Variants in ARHGEF11 observed in about 807,000 individuals in gnomAD.
The protein encoded by ARHGEF11 is Rho guanine nucleotide exchange factor 11.
Under a neutral mutation model 193.7 loss-of-function variants are expected in ARHGEF11, and 55 were observed. The observed-to-expected ratio is 0.28, with a 90% CI of 0.23 to 0.36. ARHGEF11 has a LOEUF of 0.36. ARHGEF11 is among the 10% of genes least tolerant of loss of function. The pLI is 1.00. For missense variants in ARHGEF11, 1,723 were observed against 2,005.6 expected, an observed-to-expected ratio of 0.86 and a Z score of 2.69; for synonymous variants, 693 against 768.0, an observed-to-expected ratio of 0.90 and a Z score of 1.62.
At chr1:157,037,174 T>C (rs941169167) in intron 1 of ARHGEF11, among the ~76,000 whole-genome samples, 1 of 152,120 alleles carries the variant, frequency 6.6e-6, no homozygotes, top group Non-Finnish European at 1.5e-5. Flanking sequence ...CTTAAAATAC[T>C]GGTTAATTCT....
rs7522900 is a variant in ARHGEF11, at chr1:157,003,068, T to G, written c.33-16895A>C. ...CAGTAAGAATTCCTTATTGATTGAT[T>G]GTTGATTATTCATATTAGCCATTCT... On this transcript the variant is annotated intron_variant, in intron 1 of 40. Coordinates refer to ENST00000368194, the MANE Select transcript of ARHGEF11 (RefSeq NM_198236.3). Among the ~76,000 whole-genome samples, 774 of 152,372 alleles carry G rather than the reference T, an allele frequency of 5.1e-3. 6 individuals carry two copies. Among genetic ancestry groups the G allele is most frequent in the Admixed American group, 0.021 (323 of 15,310 alleles).
At chr1:156,995,771 T>G (rs1198542499) in intron 1 of ARHGEF11, among the ~76,000 whole-genome samples, 2 of 151,176 alleles carry the variant, frequency 1.3e-5, no homozygotes, top group Non-Finnish European at 2.9e-5. Flanking sequence ...CTCAAACTCC[T>G]GGGCACAAGG....
intron 4 of ARHGEF11, 75 bp from the exon 5 acceptor site, chr1:156,979,361 C>CTTT (rs36031299): frequency 0.029 from 14,550 of 498,868 alleles, 26 homozygotes; most frequent in South Asian, 0.058. Flanking sequence ...CAAAATGCCA[C>CTTT]TTTTTTTTTT....
chr1:157,014,682 A>G (rs1278422542), intron 1 of ARHGEF11, among the ~76,000 whole-genome samples: 2 of 152,090 alleles, frequency 1.3e-5, no homozygotes, highest in Non-Finnish European at 2.9e-5. Flanking sequence ...ATCCACTGCA[A>G]TCTGGCTTCT....
chr1:156,966,190 T>C (rs1661651376), intron 11 of ARHGEF11, among the ~76,000 whole-genome samples: 1 of 152,178 alleles, frequency 6.6e-6, no homozygotes, highest in Non-Finnish European at 1.5e-5. Flanking sequence ...CTTGTACCAT[T>C]TCTCCCTCAT....
At chr1:156,946,188 A>T (rs759527699) in intron 28 of ARHGEF11, 26 bp from the exon 29 acceptor site, 1 of 1,601,280 alleles carries the variant, frequency 6.2e-7, no homozygotes, top group Admixed American at 1.7e-5. Context: ...CACAGAAGGG[A>T]GGAGATGTCA....
intron 1 of ARHGEF11, among the ~76,000 whole-genome samples, chr1:156,997,112 T>C (rs1666629643): frequency 6.6e-6 from 1 of 151,766 alleles, no homozygotes; most frequent in Non-Finnish European, 1.5e-5. Flanking sequence ...CAAGCAATCC[T>C]CCCGCCTCAG....
chr1:157,042,285 C>T (rs985210415), intron 1 of ARHGEF11, among the ~76,000 whole-genome samples: 2 of 152,128 alleles, frequency 1.3e-5, no homozygotes, highest in African/African-American at 4.8e-5. Flanking sequence ...GTAGGAGCCC[C>T]AAGACAGAAA....
intron 21 of ARHGEF11, 56 bp from the exon 22 acceptor site, chr1:156,951,755 C>T: frequency 1.9e-6 from 3 of 1,607,522 alleles, no homozygotes; most frequent in Middle Eastern, 1.7e-4. Context: ...GATGGCTTCT[C>T]AGGCTTGGAC....
At chr1:157,000,107 CGT>C (rs1167818144) in intron 1 of ARHGEF11, among the ~76,000 whole-genome samples, 1 of 152,118 alleles carries the variant, frequency 6.6e-6, no homozygotes, top group Non-Finnish European at 1.5e-5. Flanking sequence ...GGAATTAGAG[CGT>C]GTGTCAACAT....
chr1:156,955,874 T>G (rs1210784242), intron 19 of ARHGEF11, 75 bp from the exon 20 acceptor site: 2 of 1,153,278 alleles, frequency 1.7e-6, no homozygotes, highest in Non-Finnish European at 2.6e-6. Context: ...ATTCTGCCAC[T>G]GTCCCCCAAG....
chr1:157,034,212 C>T (rs1671632135), intron 1 of ARHGEF11, among the ~76,000 whole-genome samples: 1 of 152,170 alleles, frequency 6.6e-6, no homozygotes. Context: ...ATTTACTACA[C>T]TCTCTCCAGC....
chr1:156,955,920 T>A (rs931123799), intron 19 of ARHGEF11, 121 bp from the exon 20 acceptor site: 5 of 776,312 alleles, frequency 6.4e-6, no homozygotes, highest in Non-Finnish European at 1.1e-5. Flanking sequence ...AGCTGACTCT[T>A]GCTGGTACCC....
intron 1 of ARHGEF11, among the ~76,000 whole-genome samples, chr1:156,995,641 G>A (rs1358812054): frequency 3.4e-5 from 5 of 148,574 alleles, no homozygotes; most frequent in Non-Finnish European, 5.9e-5. Context: ...CTGCAGCCTC[G>A]ACTTCCTGGG....
chr1:156,962,878 CAAAAAAAAAAAAAAAAA>C (rs59159449), intron 13 of ARHGEF11, among the ~76,000 whole-genome samples: 13 of 21,272 alleles, frequency 6.1e-4, no homozygotes, highest in African/African-American at 1.9e-3. Flanking sequence ...GACTCCGTCT[CAAAAAAAAAAAAAAAAA>C]AAAAAAAAAA....
chr1:156,936,497 A>AAAAATAT (rs370282821), intron 40 of ARHGEF11, among the ~76,000 whole-genome samples: 18 of 33,934 alleles, frequency 5.3e-4, no homozygotes, highest in African/African-American at 7.7e-4. Context: ...AAAAAAAAAA[A>AAAAATAT]ATATATATAT....
chr1:156,946,836 G>A, intron 27 of ARHGEF11, 49 bp from the exon 28 acceptor site: 3 of 1,546,174 alleles, frequency 1.9e-6, no homozygotes, highest in Non-Finnish European at 2.6e-6. Context: ...CCCTGCCTGG[G>A]ACCAGACCCC....
rs762709320 is a variant in ARHGEF11 at position 156,947,827 on chromosome 1, G to C, written c.2283C>G (p.Gly761=). ...PDAQNWQHTV[G]KDVVAGLTQR... is the part of the protein sequence containing the mutation. ...GGGTTAGCCCAGCCACCACATCCTTGCCCACTGTATGCTGCCAATTTTGGG... is the reference window on the plus strand; with the variant it reads ...GGGTTAGCCCAGCCACCACATCCTTCCCCACTGTATGCTGCCAATTTTGGG... The change falls in exon 25 of 41, where the codon GGC becomes GGG. Residue 761 remains glycine (G), a synonymous_variant. Transcript: ENST00000368194. The C allele has an allele frequency of 6.2e-7, 1 of 1,613,964 alleles. No individual in the cohort carries two copies. The highest frequency in any genetic ancestry group is 8.5e-7 in the Non-Finnish European group (1 of 1,179,998).
At chr1:156,971,940 T>G in intron 7 of ARHGEF11, 124 bp from the exon 8 acceptor site, 125 of 1,069,134 alleles carry the variant, frequency 1.2e-4, no homozygotes, top group Non-Finnish European at 1.5e-4. Context: ...AGAGAAGAGG[T>G]CTCTGCCTCC....
Sources: gnomAD v4.1 joint callset for allele counts (sites outside exome capture counted in the v4.1 genomes callset) on GRCh38, gnomAD v4.1.1 for gene constraint, MANE v1.5 for transcripts, NCBI Gene and HGNC (gene_info 2026-07-23, HGNC 2026-07-21) for gene names.